Variants in MACROD2 observed in about 807,000 individuals in gnomAD.
MACROD2 encodes the protein ADP-ribose glycohydrolase MACROD2.
In MACROD2, 36 loss-of-function variants were observed where a neutral mutation model predicts 70.4. The ratio of observed to expected loss-of-function variants is 0.51; its 90% CI spans 0.39 to 0.68. The LOEUF (loss-of-function observed/expected upper bound fraction) is 0.68, where lower values mean the gene tolerates loss of function less well. MACROD2 is among the 30% of genes least tolerant of loss of function. The probability of loss-of-function intolerance (pLI) is 0.00; values close to 1 mark genes in which losing one functional copy is unlikely to be tolerated. For missense variants in MACROD2, 496 were observed against 538.4 expected (o/e 0.92, Z 0.78); for synonymous variants, 172 against 178.8 (o/e 0.96, Z 0.30).
intron 3 of MACROD2, among the ~76,000 whole-genome samples, chr20:14,354,232 C>G (rs1277606772): frequency 1.3e-5 from 2 of 152,102 alleles, no homozygotes; most frequent in Admixed American, 1.3e-4. Context: ...GTTATTTGTA[C>G]TTTTCTTATT....
chr20:14,605,567 A>G (rs56719639), intron 4 of MACROD2, among the ~76,000 whole-genome samples: 5,314 of 152,264 alleles, frequency 0.035, 308 homozygotes, highest in African/African-American at 0.12. Context: ...AACCCACACT[A>G]TAAGTTAGGT....
intron 2 of MACROD2, among the ~76,000 whole-genome samples, chr20:14,009,834 C>A (rs949821731): frequency 2.0e-5 from 3 of 152,148 alleles, no homozygotes; most frequent in African/African-American, 7.2e-5. Context: ...CCGGATGGAG[C>A]TGGAAGCCAT....
At chr20:14,069,417 C>G (rs1219819764) in intron 2 of MACROD2, among the ~76,000 whole-genome samples, 1 of 151,978 alleles carries the variant, frequency 6.6e-6, no homozygotes, top group Non-Finnish European at 1.5e-5. Flanking sequence ...ACAGGGCATT[C>G]TTTGCTTTCA....
At chr20:14,163,230 T>C (rs1453785325) in intron 3 of MACROD2, among the ~76,000 whole-genome samples, 1 of 152,206 alleles carries the variant, frequency 6.6e-6, no homozygotes, top group Non-Finnish European at 1.5e-5. Flanking sequence ...ATAGTATACA[T>C]GGCTGTCAGT....
intron 2 of MACROD2, among the ~76,000 whole-genome samples, chr20:14,047,018 A>AT (rs2053487630): frequency 6.6e-6 from 1 of 152,188 alleles, no homozygotes; most frequent in Non-Finnish European, 1.5e-5. Flanking sequence ...TATTAAATGA[A>AT]TACCCTTACA....
intron 5 of MACROD2, among the ~76,000 whole-genome samples, chr20:14,974,491 G>A (rs1201350917): frequency 6.6e-6 from 1 of 152,094 alleles, no homozygotes; most frequent in Non-Finnish European, 1.5e-5. Flanking sequence ...TAGGATGGGG[G>A]CACCACAAAG....
At position 15,094,494 on chromosome 20, in the gene MACROD2, C is replaced by T. The variant is rs552153458; in HGVS notation, c.419-135446C>T. ...ATATGTCAAGCCTGTAGTCTGTGTC[C>T]AAATATTTAAAGTTAAGTATTACCC... On this transcript the variant is annotated intron_variant, in intron 5 of 17. Coordinates refer to ENST00000684519, the MANE Select transcript of MACROD2 (RefSeq NM_001351661.2). Among the ~76,000 whole-genome samples, 7 of 152,104 alleles carry T rather than the reference C, an allele frequency of 4.6e-5. No individual in the cohort carries two copies. In the East Asian group the frequency reaches 9.6e-4, roughly 21 times the overall value.
chr20:14,342,940 A>C (rs2122667778), intron 3 of MACROD2, among the ~76,000 whole-genome samples: 1 of 152,006 alleles, frequency 6.6e-6, no homozygotes, highest in Non-Finnish European at 1.5e-5. Flanking sequence ...GGACTGTTAC[A>C]CTTTGGGGAC....
At chr20:15,120,021 A>T (rs2123245031) in intron 5 of MACROD2, among the ~76,000 whole-genome samples, 1 of 152,340 alleles carries the variant, frequency 6.6e-6, no homozygotes, top group African/African-American at 2.4e-5. Flanking sequence ...ATAAGTAAAC[A>T]AACATATTTA....
chr20:14,254,415 T>C (rs2122284561), intron 3 of MACROD2, among the ~76,000 whole-genome samples: 1 of 152,140 alleles, frequency 6.6e-6, no homozygotes, highest in African/African-American at 2.4e-5. Context: ...AGATTGTGTC[T>C]TAGTGTGTGG....
At chr20:14,551,710 T>C (rs1242269382) in intron 4 of MACROD2, among the ~76,000 whole-genome samples, 1 of 152,172 alleles carries the variant, frequency 6.6e-6, no homozygotes, top group African/African-American at 2.4e-5. Context: ...AAAAGGAATA[T>C]ATAAGAATAG....
intron 3 of MACROD2, among the ~76,000 whole-genome samples, chr20:14,285,319 T>G (rs2082335057): frequency 6.6e-6 from 1 of 152,198 alleles, no homozygotes; most frequent in Non-Finnish European, 1.5e-5. Context: ...TTTAAATAAT[T>G]TTGTGCATGA....
intron 7 of MACROD2, among the ~76,000 whole-genome samples, chr20:15,490,550 C>T (rs745771841): frequency 2.0e-5 from 3 of 152,240 alleles, no homozygotes; most frequent in Middle Eastern, 3.4e-3. Context: ...CATGAACCAC[C>T]GCACCTGGCC....
At chr20:14,479,144 G>T (rs1023626388) in intron 3 of MACROD2, among the ~76,000 whole-genome samples, 2 of 152,114 alleles carry the variant, frequency 1.3e-5, no homozygotes, top group African/African-American at 4.8e-5. Context: ...TGTTGAGACA[G>T]GATGCCTCCT....
chr20:15,159,846 G>C (rs1249443067), intron 5 of MACROD2, among the ~76,000 whole-genome samples: 1 of 152,054 alleles, frequency 6.6e-6, no homozygotes, highest in Non-Finnish European at 1.5e-5. Flanking sequence ...GAGAGCAGGA[G>C]AGGAAGATGC....
At chr20:15,557,620 A>T (rs1235276495) in intron 8 of MACROD2, among the ~76,000 whole-genome samples, 1 of 152,238 alleles carries the variant, frequency 6.6e-6, no homozygotes, top group East Asian at 1.9e-4. Flanking sequence ...TCTAGGACCT[A>T]AGCCAAAGGG....
At chr20:15,973,985 T>G (rs918839877) in intron 13 of MACROD2, among the ~76,000 whole-genome samples, 9 of 152,174 alleles carry the variant, frequency 5.9e-5, no homozygotes, top group African/African-American at 1.7e-4. Context: ...AGATACAATA[T>G]TATTAGTCAA....
chr20:15,789,108 G>C (rs1204290989), intron 8 of MACROD2, among the ~76,000 whole-genome samples: 2 of 152,184 alleles, frequency 1.3e-5, no homozygotes, highest in African/African-American at 2.4e-5. Flanking sequence ...TTCCAGCCTT[G>C]CTGAATCCTT....
chr20:15,359,603 G>T (rs1446349758), intron 6 of MACROD2, among the ~76,000 whole-genome samples: 1 of 151,492 alleles, frequency 6.6e-6, no homozygotes, highest in African/African-American at 2.4e-5. Flanking sequence ...TTTAGGTCAA[G>T]TTATAGTTAT....
Sources: gnomAD v4.1 joint callset for allele counts (sites outside exome capture counted in the v4.1 genomes callset) on GRCh38, gnomAD v4.1.1 for gene constraint, MANE v1.5 for transcripts, NCBI Gene and HGNC (gene_info 2026-07-23, HGNC 2026-07-21) for gene names.